The following CAMK2D variants were observed in gnomAD, a reference collection of about 807,000 sequenced individuals.
CAMK2D encodes calcium/calmodulin-dependent protein kinase type II subunit delta.
In CAMK2D, 37 loss-of-function variants were observed where a neutral mutation model predicts 84.0. That is an observed-to-expected ratio of 0.44 (90% CI 0.34 to 0.58). The LOEUF is 0.58. CAMK2D is among the 20% of genes least tolerant of loss of function. The pLI, the probability that CAMK2D is intolerant of heterozygous loss-of-function variation, is 0.02. For synonymous variants in CAMK2D, 202 were observed against 212.5 expected (o/e 0.95, Z 0.43); for missense variants, 448 against 652.5 (o/e 0.69, Z 3.41).
At chr4:113,718,219 A>G (rs1229945581) in intron 2 of CAMK2D, among the ~76,000 whole-genome samples, 1 of 152,162 alleles carries the variant, frequency 6.6e-6, no homozygotes, top group Admixed American at 6.6e-5. Context: ...AATAATAAAG[A>G]CCAGAGTTTT....
Position 113,502,980 on chromosome 4 carries a change from G to A in CAMK2D, c.1045-3C>T. Reference sequence around the variant, plus strand: ...TGGATTACAGTAGTTTGGGGCTCCTGAGTGAGAACAAAATAGAGAAAGAAA... The same window carrying A: ...TGGATTACAGTAGTTTGGGGCTCCTAAGTGAGAACAAAATAGAGAAAGAAA... On this transcript the variant is annotated splice_polypyrimidine_tract_variant and splice_region_variant and intron_variant, in intron 14 of 20. Transcript: ENST00000511664. The A allele has an allele frequency of 1.3e-6, 2 of 1,599,888 alleles. No homozygotes were observed. The highest frequency in any genetic ancestry group is 1.7e-6 in the Non-Finnish European group (2 of 1,167,096).
At position 113,467,534 on chromosome 4, in the gene CAMK2D, TA is replaced by T. The variant is rs916442996; in HGVS notation, c.1136-1931del. Among the ~76,000 whole-genome samples the T allele has an allele frequency of 9.9e-5, 15 of 152,268 alleles. 2 individuals are homozygous for T. Among genetic ancestry groups the T allele is most frequent in the African/African-American group, 3.6e-4 (15 of 41,558 alleles). On this transcript the variant is annotated intron_variant, in intron 16 of 20. Coordinates refer to ENST00000511664, the MANE Select transcript of CAMK2D (RefSeq NM_001321571.2). ...CTAACAATGTCAAGGTCTATAATAT[TA>T]AAAAATCACTATATGGGTTAGAATT...
chr4:113,699,127 T>G (rs2099411127), intron 2 of CAMK2D, among the ~76,000 whole-genome samples: 1 of 152,046 alleles, frequency 6.6e-6, no homozygotes, highest in African/African-American at 2.4e-5. Flanking sequence ...CAAAGGCAGC[T>G]AAAAGGGATT....
rs374778088 is a variant in CAMK2D at position 113,757,964 on chromosome 4, T to G, written c.160+1356A>C. Among the ~76,000 whole-genome samples the G allele has an allele frequency of 2.4e-4, 37 of 152,280 alleles. 1 individual carries two copies. Among genetic ancestry groups the G allele is most frequent in the Middle Eastern group, 3.4e-3 (1 of 294 alleles). On this transcript the variant is annotated intron_variant, in intron 2 of 20. Transcript: ENST00000511664. ...AGAAACACCACCAAAAATCTTGGAA[T>G]AGGTATTGTAATGCTTTCAAAAGAA...
intron 16 of CAMK2D, among the ~76,000 whole-genome samples, chr4:113,494,233 C>T (rs2097891682): frequency 6.6e-6 from 1 of 152,214 alleles, no homozygotes; most frequent in African/African-American, 2.4e-5. Context: ...TTAGAGTTTC[C>T]AGTTTTTCTT....
chr4:113,481,580 A>T (rs7669815), intron 16 of CAMK2D, among the ~76,000 whole-genome samples: 14,159 of 152,176 alleles, frequency 0.093, 2,161 homozygotes, highest in African/African-American at 0.32. Flanking sequence ...CCCAAGTTCC[A>T]GTGATTCTTG....
intron 13 of CAMK2D, among the ~76,000 whole-genome samples, chr4:113,505,736 T>C (rs77243096): frequency 0.033 from 4,966 of 152,250 alleles, 280 homozygotes; most frequent in African/African-American, 0.11. Flanking sequence ...TATTTGGTAA[T>C]ATCATTCCCT....
At chr4:113,724,055 C>G (rs2099538903) in intron 2 of CAMK2D, among the ~76,000 whole-genome samples, 1 of 152,032 alleles carries the variant, frequency 6.6e-6, no homozygotes, top group Admixed American at 6.5e-5. Flanking sequence ...GATATTAACA[C>G]TACTCAATAT....
At chr4:113,566,548 C>G (rs1262643881) in intron 4 of CAMK2D, among the ~76,000 whole-genome samples, 1 of 152,174 alleles carries the variant, frequency 6.6e-6, no homozygotes, top group Non-Finnish European at 1.5e-5. Context: ...CTAGAACACA[C>G]AGCATAATAT....
At chr4:113,480,299 C>T (rs2097686089) in intron 16 of CAMK2D, among the ~76,000 whole-genome samples, 1 of 152,002 alleles carries the variant, frequency 6.6e-6, no homozygotes, top group Non-Finnish European at 1.5e-5. Flanking sequence ...GTACATATGA[C>T]TCAGAATGGT....
intron 4 of CAMK2D, among the ~76,000 whole-genome samples, chr4:113,600,886 C>T (rs955750201): frequency 6.6e-5 from 10 of 152,142 alleles, no homozygotes; most frequent in South Asian, 2.1e-4. Flanking sequence ...CCTCCTTCCC[C>T]GGCCTCCTGA....
At chr4:113,494,553 C>G (rs928240846) in intron 16 of CAMK2D, among the ~76,000 whole-genome samples, 3 of 152,262 alleles carry the variant, frequency 2.0e-5, no homozygotes, top group Non-Finnish European at 4.4e-5. Flanking sequence ...AGCTGTCAGA[C>G]AGGGACATTT....
intron 2 of CAMK2D, among the ~76,000 whole-genome samples, chr4:113,758,771 G>C (rs901720550): frequency 6.6e-6 from 1 of 152,154 alleles, no homozygotes; most frequent in Non-Finnish European, 1.5e-5. Context: ...TTAATGCGAA[G>C]ACCAAGGTCT....
chr4:113,563,789 T>C (rs766955604), intron 4 of CAMK2D, among the ~76,000 whole-genome samples: 3 of 152,242 alleles, frequency 2.0e-5, no homozygotes, highest in Non-Finnish European at 2.9e-5. Context: ...TACTCAACTA[T>C]TGTGTTAAGA....
At chr4:113,629,928 C>T (rs1007245953) in intron 3 of CAMK2D, among the ~76,000 whole-genome samples, 1 of 151,800 alleles carries the variant, frequency 6.6e-6, no homozygotes, top group Non-Finnish European at 1.5e-5. Context: ...AAAAAACTCT[C>T]TTCAGTGGAG....
chr4:113,719,136 CTA>C (rs1485197609), intron 2 of CAMK2D, among the ~76,000 whole-genome samples: 4 of 152,094 alleles, frequency 2.6e-5, no homozygotes, highest in Admixed American at 6.6e-5. Flanking sequence ...TGAAATTTCC[CTA>C]TGTCTTGCAT....
chr4:113,541,718 T>C (rs1225582649), intron 6 of CAMK2D, among the ~76,000 whole-genome samples: 4 of 152,222 alleles, frequency 2.6e-5, no homozygotes, highest in African/African-American at 9.6e-5. Context: ...CTTTTAAAAT[T>C]TCTTTCCTCT....
chr4:113,651,987 TA>T, intron 3 of CAMK2D, among the ~76,000 whole-genome samples: 1 of 152,324 alleles, frequency 6.6e-6, no homozygotes, highest in South Asian at 2.1e-4. Flanking sequence ...GGACTAATAA[TA>T]AATACTAAAA....
At chr4:113,736,464 T>G (rs1389309801) in intron 2 of CAMK2D, among the ~76,000 whole-genome samples, 1 of 152,160 alleles carries the variant, frequency 6.6e-6, no homozygotes, top group Non-Finnish European at 1.5e-5. Flanking sequence ...TTTGTCAAAG[T>G]TTGTTTCTGT....
Sources: gnomAD v4.1 joint callset for allele counts (sites outside exome capture counted in the v4.1 genomes callset) on GRCh38, gnomAD v4.1.1 for gene constraint, MANE v1.5 for transcripts, NCBI Gene and HGNC (gene_info 2026-07-23, HGNC 2026-07-21) for gene names.